The following TBCD variants were observed in gnomAD, a reference collection of about 807,000 sequenced individuals.
TBCD encodes tubulin folding cofactor D, also known as tubulin-specific chaperone D.
In TBCD, 105 loss-of-function variants were observed where a neutral mutation model predicts 169.3. The observed-to-expected ratio is 0.62, with a 90% CI of 0.53 to 0.73. The LOEUF is 0.73. TBCD is among the 30% of genes least tolerant of loss of function. TBCD has a pLI of 0.00. For synonymous variants in TBCD, 700 were observed against 643.9 expected (o/e 1.09, Z -1.32); for missense variants, 1,444 against 1,600.1 (o/e 0.90, Z 1.66).
intron 1 of TBCD, among the ~76,000 whole-genome samples, chr17:82,754,460 A>G (rs866486396): frequency 3.9e-5 from 6 of 152,236 alleles, no homozygotes; most frequent in Non-Finnish European, 7.3e-5. Flanking sequence ...CATGGTCTGC[A>G]GGAGTAACTG....
intron 13 of TBCD, among the ~76,000 whole-genome samples, chr17:82,839,731 G>A (rs939849678): frequency 6.6e-6 from 1 of 152,224 alleles, no homozygotes; most frequent in Non-Finnish European, 1.5e-5. Flanking sequence ...AGAATAAAGT[G>A]TCAGCCTCAT....
Position 82,920,387 on chromosome 17 carries a change from G to C in TBCD, c.2039-169G>C, listed in dbSNP as rs2279064. ...GGAGGCGTCTTGGGCTTCTCATGGT[G>C]GTTCTGAAATGGTTCTGGGATGTTT... is the stretch of plus-strand genomic sequence containing the variant. On this transcript the variant is annotated intron_variant, in intron 23 of 38. Transcript: ENST00000355528. This position sits in a 1 kb window ranked among gnomAD's most constrained non-coding sequence, Gnocchi z 4.1. The C allele has an allele frequency of 0.13, 85,231 of 650,358 alleles. 7,027 individuals are homozygous for C. Among genetic ancestry groups the C allele is most frequent in the South Asian group, 0.29 (16,457 of 56,354 alleles). 40.3% of individuals were successfully genotyped at this position (650,358 alleles called of 1,614,324 possible).
chr17:82,869,189 A>C (rs902395147), intron 13 of TBCD, among the ~76,000 whole-genome samples: 1 of 152,226 alleles, frequency 6.6e-6, no homozygotes. Context: ...GTTGATCTCA[A>C]GTATTTATTC....
intron 2 of TBCD, among the ~76,000 whole-genome samples, chr17:82,757,115 C>T (rs1277775492): frequency 2.0e-5 from 3 of 152,180 alleles, no homozygotes. Flanking sequence ...ATAGTCACCA[C>T]GTTGAGAGGG....
At chr17:82,933,701 C>T (rs1182235828) in intron 34 of TBCD, among the ~76,000 whole-genome samples, 1 of 152,128 alleles carries the variant, frequency 6.6e-6, no homozygotes, top group Non-Finnish European at 1.5e-5. Flanking sequence ...CACCGCAACC[C>T]CGTCCCGGGT....
chr17:82,755,074 A>G (rs1031975197), intron 1 of TBCD, among the ~76,000 whole-genome samples: 1 of 152,180 alleles, frequency 6.6e-6, no homozygotes, highest in East Asian at 1.9e-4. Context: ...TAAGATGTAC[A>G]TTGGTCTCGT....
rs535362255 is a variant in TBCD at position 82,930,700 on chromosome 17, C to T, written c.3113+57C>T. 34 of 1,609,800 alleles carry T rather than the reference C, an allele frequency of 2.1e-5. No homozygotes were observed. Among genetic ancestry groups the T allele is most frequent in the Admixed American group, 3.3e-5 (2 of 59,874 alleles). The stretch of plus-strand genomic sequence containing the variant: ...TGAGTGGTGCTGGTGCCTCTCACCA[C>T]GTTCCCACAGATTCCCGGGGTCTCG... On this transcript the variant is annotated intron_variant, in intron 33 of 38. Coordinates refer to ENST00000355528, the MANE Select transcript of TBCD (RefSeq NM_005993.5). The surrounding 1 kb of genome is among the most constrained non-coding windows in gnomAD (Gnocchi z 5.2).
chr17:82,867,947 A>G (rs2145917067), intron 13 of TBCD, among the ~76,000 whole-genome samples: 1 of 151,752 alleles, frequency 6.6e-6, no homozygotes, highest in South Asian at 2.1e-4. Flanking sequence ...CAGGGGGAGG[A>G]CTCCGGGAGG....
chr17:82,861,858 T>C (rs2056793747), intron 13 of TBCD, among the ~76,000 whole-genome samples: 1 of 152,212 alleles, frequency 6.6e-6, no homozygotes, highest in Non-Finnish European at 1.5e-5. Flanking sequence ...GGTGCTTTCA[T>C]AGAGAACGTT....
chr17:82,884,161 G>C lies in TBCD; in HGVS notation c.1492G>C (p.Ala498Pro). The C allele has an allele frequency of 6.2e-7, 1 of 1,610,692 alleles. No homozygotes were observed. Among genetic ancestry groups the C allele is most frequent in the Non-Finnish European group, 8.5e-7 (1 of 1,178,280 alleles). The change falls in exon 15 of 39, where the codon GCG becomes CCG. Residue 498 changes from alanine to proline, a missense_variant. Coordinates refer to ENST00000355528, the MANE Select transcript of TBCD (RefSeq NM_005993.5). This position sits in a 1 kb window ranked among gnomAD's most constrained non-coding sequence, Gnocchi z 4.2. ...TTTTCACAGTGCACTGGTGATTGCT[G>C]CGGTGTTTGACCGAGACATAAACTG... The part of the protein sequence containing the change: ...TAISSALVIA[A>P]VFDRDINCRR...
intron 1 of TBCD, among the ~76,000 whole-genome samples, chr17:82,753,455 T>G (rs994936984): frequency 1.4e-5 from 2 of 144,280 alleles, no homozygotes; most frequent in African/African-American, 5.2e-5. Context: ...TCCTTTTTTT[T>G]TTTTTTTTTT....
rs2048356523 is a variant in TBCD, at chr17:82,772,434, C to G, written c.583-18C>G. The G allele has an allele frequency of 1.2e-6, 2 of 1,613,712 alleles. No homozygotes were observed. The highest frequency in any genetic ancestry group is 1.1e-5 in the South Asian group (1 of 91,082). On this transcript the variant is annotated intron_variant, in intron 5 of 38. Coordinates refer to ENST00000355528, the MANE Select transcript of TBCD (RefSeq NM_005993.5). Reference sequence around the variant, plus strand: ...GTGTGCAGGAGTGACCGTGTCTGTGCTTCACCCTTTCTTGCAGTCCTACTT... The same window carrying G: ...GTGTGCAGGAGTGACCGTGTCTGTGGTTCACCCTTTCTTGCAGTCCTACTT...
At chr17:82,916,593 G>C (rs75233935) in intron 23 of TBCD, among the ~76,000 whole-genome samples, 1 of 151,692 alleles carries the variant, frequency 6.6e-6, no homozygotes, top group African/African-American at 2.4e-5. Flanking sequence ...TTATTCATTC[G>C]TTTGTGTTTT....
At chr17:82,799,919 C>T (rs1568152127) in intron 8 of TBCD, among the ~76,000 whole-genome samples, 1 of 152,178 alleles carries the variant, frequency 6.6e-6, no homozygotes, top group Non-Finnish European at 1.5e-5. Flanking sequence ...CACCTCTGCC[C>T]GAGGTCACGG....
Position 82,930,525 on chromosome 17 carries a change from C to G in TBCD, c.2995C>G (p.Arg999Gly), listed in dbSNP as rs781008283. The change falls in exon 33 of 39, where the codon CGG becomes GGG. Residue 999 changes from arginine (R) to glycine (G), a missense_variant. Arg to Gly is a moderately radical substitution (Grantham distance 125). Transcript: ENST00000355528. This position sits in a 1 kb window ranked among gnomAD's most constrained non-coding sequence, Gnocchi z 5.2. ...SLGGLTESTI[R>G]HSTQSLFEYM... ...CTGAGGTGTCTCCGTGTTGCAGATC[C>G]GGCACTCCACCCAGAGCCTCTTTGA... 6.2e-7 allele frequency: 1 copy of G among 1,612,480 alleles called. No individual in the cohort carries two copies. Among genetic ancestry groups the G allele is most frequent in the Non-Finnish European group, 8.5e-7 (1 of 1,179,550 alleles).
intron 13 of TBCD, chr17:82,840,725 C>T (rs528574478): frequency 1.3e-5 from 2 of 152,436 alleles, no homozygotes; most frequent in South Asian, 4.1e-4. Context: ...TGCAGAGGCA[C>T]TTAACTTGGG....
Position 82,832,207 on chromosome 17 carries a change from G to A in TBCD, c.1318+17273G>A, listed in dbSNP as rs762874747. 3.1e-6 allele frequency: 5 copies of A among 1,614,244 alleles called. No individual in the cohort carries two copies. Among genetic ancestry groups the A allele is most frequent in the South Asian group, 1.1e-5 (1 of 91,086 alleles). ...GACAGACTTGGAAGAGGCTGGCTTCGCCGTGGCATCGGGCTGGTTGGTTTG... is the reference window on the plus strand; with the variant it reads ...GACAGACTTGGAAGAGGCTGGCTTCACCGTGGCATCGGGCTGGTTGGTTTG... On this transcript the variant is annotated intron_variant, in intron 13 of 38. Coordinates refer to ENST00000355528, the MANE Select transcript of TBCD (RefSeq NM_005993.5). The surrounding 1 kb of genome is among the most constrained non-coding windows in gnomAD (Gnocchi z 4.9).
chr17:82,779,206 G>A (rs561390466), intron 6 of TBCD, among the ~76,000 whole-genome samples: 1 of 151,322 alleles, frequency 6.6e-6, no homozygotes, highest in Non-Finnish European at 1.5e-5. Context: ...TAGAGATGGG[G>A]TGCAAGACAG....
At chr17:82,886,831 G>A (rs544905214) in intron 15 of TBCD, among the ~76,000 whole-genome samples, 134 of 150,310 alleles carry the variant, frequency 8.9e-4, no homozygotes, top group Admixed American at 5.7e-3. Context: ...CACCATGCCC[G>A]GCTACTTTTT....
Sources: gnomAD v4.1 joint callset for allele counts (sites outside exome capture counted in the v4.1 genomes callset) on GRCh38, gnomAD v4.1.1 for gene constraint, Gnocchi (gnomAD v3.1) non-coding constraint, MANE v1.5 for transcripts, NCBI Gene and HGNC (gene_info 2026-07-23, HGNC 2026-07-21) for gene names.